The following SEMA6D variants were observed in gnomAD, a reference collection of about 807,000 sequenced individuals.
The protein encoded by SEMA6D is semaphorin 6D.
A neutral mutation model predicts 106.6 loss-of-function variants in SEMA6D; 35 were observed. The ratio of observed to expected loss-of-function variants is 0.33; its 90% CI spans 0.25 to 0.44. The LOEUF (loss-of-function observed/expected upper bound fraction) is 0.44, where lower values mean the gene tolerates loss of function less well. Among genes scored for constraint, SEMA6D ranks in the 20% least tolerant of loss-of-function variants. The pLI, the probability that SEMA6D is intolerant of heterozygous loss-of-function variation, is 1.00. For synonymous variants in SEMA6D, 499 were observed against 487.7 expected (o/e 1.02, Z -0.31); for missense variants, 1,185 against 1,345.9 (o/e 0.88, Z 1.87).
chr15:47,527,897 A>C (rs958265996), intron 3 of SEMA6D: 2 of 152,224 alleles, frequency 1.3e-5, no homozygotes, highest in African/African-American at 4.8e-5. Context: ...CAGTAGAGTA[A>C]AGCACAGTTC....
At chr15:47,742,308 G>A (rs1454782704) in intron 1 of SEMA6D, among the ~76,000 whole-genome samples, 1 of 151,938 alleles carries the variant, frequency 6.6e-6, no homozygotes, top group Non-Finnish European at 1.5e-5. Flanking sequence ...AAAAACCATG[G>A]TGAAAGAGGG....
At position 47,581,597 on chromosome 15, in the gene SEMA6D, G is replaced by C. The variant is rs139651329; in HGVS notation, c.-86-19268G>C. 3.3e-4 allele frequency among the ~76,000 whole-genome samples: 50 copies of C among 152,256 alleles called. No individual in the cohort carries two copies. The East Asian group carries it at 8.1e-3, about 25-fold the overall frequency. ...TAGGAGGAGTAGTGGTGGGATTTGT[G>C]GGGGTAAGGGACGCAAAGGTCTTAA... On this transcript the variant is annotated intron_variant, in intron 3 of 19. Transcript: ENST00000558014.
At chr15:47,677,712 G>T (rs1420975396) in intron 4 of SEMA6D, among the ~76,000 whole-genome samples, 1 of 152,200 alleles carries the variant, frequency 6.6e-6, no homozygotes, top group Admixed American at 6.5e-5. Context: ...ACTTTTTACA[G>T]TCATTCACAT....
chr15:47,244,379 A>C (rs1330735779), intron 1 of SEMA6D, among the ~76,000 whole-genome samples: 1 of 152,170 alleles, frequency 6.6e-6, no homozygotes, highest in Admixed American at 6.6e-5. Context: ...ACTAAGGATT[A>C]GTCATGCATC....
At chr15:47,448,254 T>G (rs1265679995) in intron 2 of SEMA6D, among the ~76,000 whole-genome samples, 1 of 152,130 alleles carries the variant, frequency 6.6e-6, no homozygotes, top group African/African-American at 2.4e-5. Context: ...CCGGGATCTT[T>G]GTTCATGCCT....
intron 4 of SEMA6D, among the ~76,000 whole-genome samples, chr15:47,657,810 G>A (rs774707784): frequency 5.6e-5 from 7 of 124,548 alleles, no homozygotes; most frequent in South Asian, 5.3e-4. Flanking sequence ...GGCAGATCTC[G>A]GCTCACTGCA....
chr15:47,510,635 A>C (rs1240634921), intron 3 of SEMA6D, among the ~76,000 whole-genome samples: 1 of 152,234 alleles, frequency 6.6e-6, no homozygotes, highest in Non-Finnish European at 1.5e-5. Context: ...ACCAAACAAC[A>C]TAAGACGGCC....
chr15:47,534,192 T>C (rs1027412563), intron 3 of SEMA6D, among the ~76,000 whole-genome samples: 2 of 151,968 alleles, frequency 1.3e-5, no homozygotes, highest in East Asian at 3.9e-4. Flanking sequence ...AAAAATGCCT[T>C]CTTTTTTTTT....
intron 1 of SEMA6D, among the ~76,000 whole-genome samples, chr15:47,216,276 TG>T (rs2030588628): frequency 6.6e-6 from 1 of 152,202 alleles, no homozygotes; most frequent in Non-Finnish European, 1.5e-5. Flanking sequence ...ATTATTTGTT[TG>T]ACAGACTGTG....
intron 17 of SEMA6D, among the ~76,000 whole-genome samples, 167 bp from the exon 18 acceptor site, chr15:47,768,414 C>T (rs2082457876): frequency 6.6e-6 from 1 of 152,022 alleles, no homozygotes; most frequent in Non-Finnish European, 1.5e-5. Context: ...TTTCATTCTT[C>T]CCTTGAAAGG....
intron 4 of SEMA6D, among the ~76,000 whole-genome samples, chr15:47,636,935 T>C (rs771255955): frequency 6.6e-6 from 1 of 152,212 alleles, no homozygotes; most frequent in Non-Finnish European, 1.5e-5. Flanking sequence ...CTGGGCTATG[T>C]GAACACACTT....
At chr15:47,255,977 T>C (rs1009022627) in intron 1 of SEMA6D, among the ~76,000 whole-genome samples, 4 of 152,202 alleles carry the variant, frequency 2.6e-5, no homozygotes, top group African/African-American at 9.6e-5. Flanking sequence ...AATTGCTTTT[T>C]CACCACTCTA....
intron 1 of SEMA6D, among the ~76,000 whole-genome samples, chr15:47,371,073 C>T (rs1241958749): frequency 6.6e-6 from 1 of 152,088 alleles, no homozygotes; most frequent in Non-Finnish European, 1.5e-5. Context: ...CAAGGAATGC[C>T]AAACATCATA....
chr15:47,209,679 T>G (rs1895351620), intron 1 of SEMA6D, among the ~76,000 whole-genome samples: 1 of 152,186 alleles, frequency 6.6e-6, no homozygotes, highest in South Asian at 2.1e-4. Context: ...AATCTTAAGC[T>G]GAAATCATTC....
chr15:47,434,450 T>C (rs147085701), intron 2 of SEMA6D, among the ~76,000 whole-genome samples: 41 of 152,188 alleles, frequency 2.7e-4, no homozygotes, highest in African/African-American at 9.6e-4. Context: ...ATATTTTTTT[T>C]CTTCTTCCAC....
chr15:47,452,614 G>A lies in SEMA6D; in HGVS notation c.-158-17860G>A, dbSNP rs549259939. On this transcript the variant is annotated intron_variant, in intron 2 of 19. Coordinates refer to the SEMA6D transcript ENST00000558014. ...AAAAAATCTTGAATTTTAATGGGAT[G>A]TTTTTGGGTTTGTTTTATTTTTTAA... Among the ~76,000 whole-genome samples, 32 of 151,928 alleles carry A rather than the reference G, an allele frequency of 2.1e-4. No individual in the cohort carries two copies. In the South Asian group the frequency reaches 6.2e-3, roughly 30 times the overall value.
chr15:47,521,757 G>A (rs112936264), intron 3 of SEMA6D, among the ~76,000 whole-genome samples: 2,370 of 152,220 alleles, frequency 0.016, 49 homozygotes, highest in African/African-American at 0.055. Flanking sequence ...AGGCCAAGGC[G>A]GGTGGATCAC....
At chr15:47,734,462 C>CT (rs1276201869) in intron 1 of SEMA6D, among the ~76,000 whole-genome samples, 3 of 152,158 alleles carry the variant, frequency 2.0e-5, no homozygotes, top group African/African-American at 7.2e-5. Context: ...GAGAACCACA[C>CT]TTTTATTTAC....
chr15:47,550,211 A>C (rs2045642084), intron 3 of SEMA6D, among the ~76,000 whole-genome samples: 1 of 152,164 alleles, frequency 6.6e-6, no homozygotes, highest in African/African-American at 2.4e-5. Flanking sequence ...CCAAGTTTTG[A>C]AGTTTATTTG....
Sources: allele counts gnomAD v4.1 joint callset (sites outside exome capture counted in the v4.1 genomes callset), GRCh38; gene constraint gnomAD v4.1.1; transcripts MANE v1.5; gene names NCBI Gene and HGNC (gene_info 2026-07-23, HGNC 2026-07-21).